The following GLRA2 variants were observed in gnomAD, a reference collection of about 807,000 sequenced individuals.
GLRA2 encodes glycine receptor alpha 2.
In GLRA2, 11 loss-of-function variants were observed where a neutral mutation model predicts 31.6. That is an observed-to-expected ratio of 0.35 (90% CI 0.22 to 0.58). The LOEUF is 0.58. Among genes scored for constraint, GLRA2 ranks in the 20% least tolerant of loss-of-function variants. The pLI, the probability that GLRA2 is intolerant of heterozygous loss-of-function variation, is 0.84. For synonymous variants in GLRA2, 132 were observed against 134.0 expected, an observed-to-expected ratio of 0.99 and a Z score of 0.10; for missense variants, 212 against 351.8, an observed-to-expected ratio of 0.60 and a Z score of 3.18.
In GLRA2 at chrX:14,626,302, A is replaced by G. The variant is rs148236923; in HGVS notation, c.930+17097A>G. On this transcript the variant is annotated intron_variant, in intron 7 of 8. Transcript: ENST00000218075. The stretch of plus-strand genomic sequence containing the variant: ...TAAGTCCCATCACATTGTCCATACT[A>G]TGCTAATTATAGGCGGTAGCCCTTA... 3.3e-4 allele frequency among the ~76,000 whole-genome samples: 37 copies of G among 112,355 alleles called. No individual in the cohort carries two copies. In the East Asian group the frequency reaches 7.3e-3, roughly 22 times the overall value.
At chrX:14,651,151 ACT>A (rs1056883198) in intron 7 of GLRA2, among the ~76,000 whole-genome samples, 1 of 111,567 alleles carries the variant, frequency 9.0e-6, no homozygotes, top group African/African-American at 3.3e-5. Context: ...TATATTTTTT[ACT>A]CTTTTGTTGA....
chrX:14,611,236 A>G (rs769029049), intron 7 of GLRA2, among the ~76,000 whole-genome samples: 1 of 112,990 alleles, frequency 8.9e-6, no homozygotes, highest in East Asian at 2.8e-4. Context: ...CCCTGACCAG[A>G]TGCTCCACTG....
the GLRA2 span, among the ~76,000 whole-genome samples, chrX:14,490,879 T>G: frequency 8.9e-6 from 1 of 111,821 alleles, no homozygotes. Context: ...CAAATTGATA[T>G]GACCAGCTTC....
chrX:14,721,814 C>T (rs1241060141), intron 8 of GLRA2, among the ~76,000 whole-genome samples: 1 of 111,494 alleles, frequency 9.0e-6, no homozygotes, highest in African/African-American at 3.3e-5. Context: ...GTATCAGCAG[C>T]TAAAAGCCAA....
chrX:14,488,629 A>G, the GLRA2 span, among the ~76,000 whole-genome samples: 3 of 112,459 alleles, frequency 2.7e-5, no homozygotes, highest in Admixed American at 9.4e-5. Context: ...ATCCCTGAAG[A>G]GAAAAAGACA....
At chrX:14,457,422 T>A in the GLRA2 span, among the ~76,000 whole-genome samples, 1 of 106,228 alleles carries the variant, frequency 9.4e-6, no homozygotes, top group East Asian at 3.1e-4. Flanking sequence ...ATTGTTCAAC[T>A]CTCACTTATG....
chrX:14,597,550 C>T (rs1195838344), intron 4 of GLRA2, among the ~76,000 whole-genome samples: 2 of 110,704 alleles, frequency 1.8e-5, no homozygotes, highest in African/African-American at 3.3e-5. Context: ...TCTGGGTTGC[C>T]GGGAGAGGCT....
chrX:14,527,281 C>A (rs1389604624), upstream of GLRA2, among the ~76,000 whole-genome samples: 1 of 111,532 alleles, frequency 9.0e-6, no homozygotes, highest in Non-Finnish European at 1.9e-5. Context: ...CACAGATTTC[C>A]TTACTCATCC....
At chrX:14,547,658 A>C (rs772289641) in intron 2 of GLRA2, among the ~76,000 whole-genome samples, 1 of 111,283 alleles carries the variant, frequency 9.0e-6, no homozygotes, top group Non-Finnish European at 1.9e-5. Context: ...CCCATTTGCC[A>C]TTCCTCAAAC....
intron 8 of GLRA2, among the ~76,000 whole-genome samples, chrX:14,714,978 G>C (rs1427932943): frequency 1.8e-5 from 2 of 111,989 alleles, no homozygotes; most frequent in African/African-American, 6.5e-5. Flanking sequence ...TAACTGATAA[G>C]ATCGAAATTT....
chrX:14,656,868 G>A lies in GLRA2; in HGVS notation c.931-33842G>A, dbSNP rs958980258. 5.1e-4 allele frequency among the ~76,000 whole-genome samples: 57 copies of A among 112,111 alleles called. 2 individuals are homozygous for A. The highest frequency in any genetic ancestry group is 3.0e-4 in the Non-Finnish European group (16 of 53,226). Reference sequence around the variant, plus strand: ...AAGAAGAAAAATAGAGCACAGTTAAGTGTTGGAGCGTGGTAAATTGTTAGG... The same window carrying A: ...AAGAAGAAAAATAGAGCACAGTTAAATGTTGGAGCGTGGTAAATTGTTAGG... On this transcript the variant is annotated intron_variant, in intron 7 of 8. Coordinates refer to ENST00000218075, the MANE Select transcript of GLRA2 (RefSeq NM_002063.4).
chrX:14,582,221 C>G (rs1465255838), intron 4 of GLRA2, among the ~76,000 whole-genome samples: 1 of 79,116 alleles, frequency 1.3e-5, no homozygotes, highest in African/African-American at 5.4e-5. Context: ...CTCCCCCTCC[C>G]CACCCCCACA....
intron 2 of GLRA2, among the ~76,000 whole-genome samples, chrX:14,545,409 C>T (rs2089465497): frequency 9.0e-6 from 1 of 111,289 alleles, no homozygotes; most frequent in Admixed American, 9.5e-5. Flanking sequence ...ATGACAATGA[C>T]ATTAATCCAT....
At chrX:14,691,796 C>G (rs1056837850) in intron 8 of GLRA2, among the ~76,000 whole-genome samples, 8 of 111,376 alleles carry the variant, frequency 7.2e-5, no homozygotes, top group African/African-American at 2.6e-4. Context: ...AGAAACATAC[C>G]CTTTGATATG....
chrX:14,700,993 G>C (rs1675502692), intron 8 of GLRA2, among the ~76,000 whole-genome samples: 1 of 110,031 alleles, frequency 9.1e-6, no homozygotes, highest in Non-Finnish European at 1.9e-5. Flanking sequence ...GAAGGAATAA[G>C]AATAAGGACA....
At chrX:14,536,417 T>C (rs188576271) in intron 2 of GLRA2, among the ~76,000 whole-genome samples, 1 of 112,009 alleles carries the variant, frequency 8.9e-6, no homozygotes, top group East Asian at 2.8e-4. Flanking sequence ...AGCATCGCCA[T>C]TTCTTTGATC....
chrX:14,573,999 G>A (rs1250188231), intron 2 of GLRA2, among the ~76,000 whole-genome samples: 1 of 110,807 alleles, frequency 9.0e-6, no homozygotes, highest in African/African-American at 3.3e-5. Context: ...CGCTGTTGAT[G>A]TCTACAATGT....
intron 6 of GLRA2, among the ~76,000 whole-genome samples, chrX:14,608,024 C>G (rs2090355558): frequency 9.0e-6 from 1 of 111,546 alleles, no homozygotes; most frequent in Admixed American, 9.5e-5. Flanking sequence ...ATGGTTTGTC[C>G]AGTAACTGGT....
the GLRA2 span, among the ~76,000 whole-genome samples, chrX:14,497,244 T>C: frequency 3.6e-5 from 4 of 111,798 alleles, no homozygotes; most frequent in Admixed American, 3.8e-4. Flanking sequence ...GGGGTCAAGA[T>C]AGAGAAGAGA....
Sources: allele counts gnomAD v4.1 joint callset (sites outside exome capture counted in the v4.1 genomes callset), GRCh38; gene constraint gnomAD v4.1.1; transcripts MANE v1.5; gene names NCBI Gene and HGNC (gene_info 2026-07-23, HGNC 2026-07-21).